The following SKP2 variants were observed in gnomAD, a reference collection of about 807,000 sequenced individuals.
The protein encoded by SKP2 is S-phase kinase-associated protein 2.
In SKP2, 16 loss-of-function variants were observed where a neutral mutation model predicts 51.8. That is an observed-to-expected ratio of 0.31 (90% CI 0.21 to 0.47). The LOEUF (loss-of-function observed/expected upper bound fraction) is 0.47, where lower values mean the gene tolerates loss of function less well. SKP2 is among the 20% of genes least tolerant of loss of function. The probability of loss-of-function intolerance (pLI) is 1.00; values close to 1 mark genes in which losing one functional copy is unlikely to be tolerated. For synonymous variants in SKP2, 176 were observed against 198.6 expected (o/e 0.89, Z 0.96); for missense variants, 377 against 505.3 (o/e 0.75, Z 2.43).
At position 36,184,168 on chromosome 5, in the gene SKP2, A is replaced by T. The variant is rs1745907157; in HGVS notation, c.*2137A>T. The T allele has an allele frequency of 2.1e-6, 1 of 466,074 alleles. No homozygotes were observed. The highest frequency in any genetic ancestry group is 2.0e-5 in the African/African-American group (1 of 49,562). The allele number at this position is 466,074 out of a possible 1,614,324, so 28.9% of individuals were successfully genotyped here. A position where few individuals can be genotyped will look rare whatever the true frequency, so the allele number is the denominator to read the frequency against. ...AGACTCTTCAAAACAGAGCCCTGAGATGGTCCTTTTTGACCCATCTACTTC... is the reference window on the plus strand; with the variant it reads ...AGACTCTTCAAAACAGAGCCCTGAGTTGGTCCTTTTTGACCCATCTACTTC... On this transcript the variant is annotated 3_prime_UTR_variant, in exon 10 of 10. Coordinates refer to ENST00000274255, the MANE Select transcript of SKP2 (RefSeq NM_005983.4).
chr5:36,167,532 A>T (rs778954143), intron 4 of SKP2, among the ~76,000 whole-genome samples: 1 of 152,102 alleles, frequency 6.6e-6, no homozygotes, highest in Non-Finnish European at 1.5e-5. Flanking sequence ...TCAAATTCCC[A>T]AATTTCTAAT....
At position 36,166,774 on chromosome 5, in the gene SKP2, CTG is replaced by C. The variant is rs1045859162; in HGVS notation, c.536+115_536+116del. ...AGCCTTAAAGCCTATGGTAGGTTAT[CTG>C]TGCAGTGTGGGATGTTAATTCCATA... On this transcript the variant is annotated intron_variant, in intron 4 of 9. Transcript: ENST00000274255. 1.2e-5 allele frequency: 11 copies of C among 906,158 alleles called. No homozygotes were observed. In the African/African-American group the frequency reaches 1.9e-4, roughly 16 times the overall value. 56.1% of individuals were successfully genotyped at this position (906,158 alleles called of 1,614,324 possible).
In SKP2 at chr5:36,177,544, A is replaced by G. The variant is rs577258253; in HGVS notation, c.1061+252A>G. The G allele has an allele frequency of 7.0e-4, 351 of 503,302 alleles. 1 individual carries two copies. The highest frequency in any genetic ancestry group is 5.2e-3 in the African/African-American group (270 of 51,760). The allele number at this position is 503,302 out of a possible 1,614,324, so 31.2% of individuals were successfully genotyped here. A position where few individuals can be genotyped will look rare whatever the true frequency, so the allele number is the denominator to read the frequency against. Reference sequence around the variant, plus strand: ...TTACTAGCTTGCTGTCTTAGTATCTATGAGAAGACTTAGCAGAGAAGCAGA... The same window carrying G: ...TTACTAGCTTGCTGTCTTAGTATCTGTGAGAAGACTTAGCAGAGAAGCAGA... On this transcript the variant is annotated intron_variant, in intron 9 of 9. Transcript: ENST00000274255.
chr5:36,152,765 C>G lies in SKP2; in HGVS notation c.9-6C>G. On this transcript the variant is annotated splice_polypyrimidine_tract_variant and splice_region_variant and intron_variant, in intron 1 of 9. Coordinates refer to ENST00000274255, the MANE Select transcript of SKP2 (RefSeq NM_005983.4). ...AAGGAACCGGGGGTATTGTGCACTT[C>G]TGCAGGAAGCACCTCCAGGAGATTC... 1.3e-5 allele frequency: 21 copies of G among 1,612,566 alleles called. No homozygotes were observed. Among genetic ancestry groups the G allele is most frequent in the Non-Finnish European group, 1.7e-5 (20 of 1,179,626 alleles).
Position 36,183,909 on chromosome 5 carries a change from T to C in SKP2, c.*1878T>C, listed in dbSNP as rs765841455. ...TCGGATGCCCTCAAACATACAGAAC[T>C]TCCAAACTCAAGTCCAGCCATAAGC... is the stretch of plus-strand genomic sequence containing the variant. On this transcript the variant is annotated 3_prime_UTR_variant, in exon 10 of 10. Transcript: ENST00000274255. The C allele has an allele frequency of 6.2e-7, 1 of 1,611,590 alleles. No homozygotes were observed. Among genetic ancestry groups the C allele is most frequent in the South Asian group, 1.1e-5 (1 of 90,892 alleles).
intron 1 of SKP2, 98 bp downstream of exon 1, chr5:36,152,368 C>T: frequency 8.7e-7 from 1 of 1,152,232 alleles, no homozygotes; most frequent in East Asian, 2.3e-5. Flanking sequence ...GTTAGTAATG[C>T]TGTTAAGTGA....
chr5:36,168,467 TCA>T lies in SKP2; in HGVS notation c.671+23_671+24del. ...TGTCAAGTGAGTGGCAGGCAGAGTGTCACAAAGGCAGTTGATTTTATGTGTAT... is the reference window on the plus strand; with the variant it reads ...TGTCAAGTGAGTGGCAGGCAGAGTGTCAAAGGCAGTTGATTTTATGTGTAT... On this transcript the variant is annotated intron_variant, in intron 5 of 9. Coordinates refer to ENST00000274255, the MANE Select transcript of SKP2 (RefSeq NM_005983.4). 6.2e-7 allele frequency: 1 copy of T among 1,613,468 alleles called. No individual in the cohort carries two copies. The highest frequency in any genetic ancestry group is 8.5e-7 in the Non-Finnish European group (1 of 1,179,354).
chr5:36,190,258 C>T (rs969154685), intron 6 of SKP2, among the ~76,000 whole-genome samples: 5 of 152,216 alleles, frequency 3.3e-5, no homozygotes, highest in Middle Eastern at 3.4e-3. Flanking sequence ...CCCAGTGAGA[C>T]GAACCCGGTA....
At chr5:36,177,101 C>A in intron 8 of SKP2, 84 bp from the exon 9 acceptor site, 1 of 1,298,880 alleles carries the variant, frequency 7.7e-7, no homozygotes, top group Non-Finnish European at 1.1e-6. Flanking sequence ...AATGTTGAAG[C>A]AACTAAACAG....
downstream of SKP2, among the ~76,000 whole-genome samples, chr5:36,187,807 G>A (rs1224805862): frequency 1.3e-5 from 2 of 152,174 alleles, no homozygotes; most frequent in Non-Finnish European, 1.5e-5. Context: ...TTTCTGTCTT[G>A]TTGATCTGTC....
intron 2 of SKP2, among the ~76,000 whole-genome samples, chr5:36,153,498 GCCCACT>G (rs1172713314): frequency 1.3e-5 from 2 of 152,022 alleles, no homozygotes; most frequent in Admixed American, 6.5e-5. Context: ...ATCTCCCCAG[GCCCACT>G]CCCACCCCCA....
At chr5:36,154,865 G>A (rs535301856) in intron 2 of SKP2, among the ~76,000 whole-genome samples, 2 of 152,286 alleles carry the variant, frequency 1.3e-5, no homozygotes, top group South Asian at 2.1e-4. Context: ...TGTTGGGGGT[G>A]AGGGTGGTCA....
At chr5:36,191,416 G>A (rs1444796257) in intron 6 of SKP2, among the ~76,000 whole-genome samples, 7 of 150,258 alleles carry the variant, frequency 4.7e-5, no homozygotes, top group Non-Finnish European at 1.5e-5. Context: ...TTTTAGCCAG[G>A]AGACACTTGA....
chr5:36,179,311 T>A (rs998026190), intron 9 of SKP2, among the ~76,000 whole-genome samples: 4 of 152,122 alleles, frequency 2.6e-5, no homozygotes, highest in African/African-American at 7.2e-5. Context: ...ATAATAAAAA[T>A]TCCAGGATGT....
At chr5:36,162,071 C>T (rs1745138054) in intron 2 of SKP2, among the ~76,000 whole-genome samples, 1 of 152,220 alleles carries the variant, frequency 6.6e-6, no homozygotes, top group South Asian at 2.1e-4. Flanking sequence ...GCGCTTCCTG[C>T]ATCCACCTTT....
intron 2 of SKP2, among the ~76,000 whole-genome samples, chr5:36,154,271 T>C (rs1168409132): frequency 1.3e-5 from 2 of 151,976 alleles, no homozygotes; most frequent in Admixed American, 1.3e-4. Context: ...GAGTGTGCCA[T>C]GCAAATATCT....
At chr5:36,181,754 A>G (rs989110525) in intron 9 of SKP2, 64 bp from the exon 10 acceptor site, 7 of 1,575,394 alleles carry the variant, frequency 4.4e-6, no homozygotes, top group South Asian at 2.3e-5. Context: ...TTTGGGTCAT[A>G]TAACTCTAGT....
At chr5:36,178,499 A>G (rs1745703108) in intron 9 of SKP2, among the ~76,000 whole-genome samples, 1 of 152,144 alleles carries the variant, frequency 6.6e-6, no homozygotes, top group Non-Finnish European at 1.5e-5. Context: ...ACTGCCTAAA[A>G]TAGGATGGCA....
downstream of SKP2, among the ~76,000 whole-genome samples, chr5:36,187,109 T>G (rs988168501): frequency 3.3e-5 from 5 of 152,166 alleles, no homozygotes; most frequent in African/African-American, 4.8e-5. Flanking sequence ...TCATTTTTTA[T>G]TGCGTTTGAT....
Sources: allele counts gnomAD v4.1 joint callset (sites outside exome capture counted in the v4.1 genomes callset), GRCh38; gene constraint gnomAD v4.1.1; transcripts MANE v1.5; gene names NCBI Gene and HGNC (gene_info 2026-07-23, HGNC 2026-07-21).